The following CSMD1 variants were observed in gnomAD, a reference collection of about 807,000 sequenced individuals.
CSMD1 encodes CUB and sushi domain-containing protein 1.
In CSMD1, 213 loss-of-function variants were observed where a neutral mutation model predicts 417.5. The ratio of observed to expected loss-of-function variants is 0.51; its 90% CI spans 0.46 to 0.57. The LOEUF (loss-of-function observed/expected upper bound fraction) is 0.57. Among genes scored for constraint, CSMD1 ranks in the 20% least tolerant of loss-of-function variants. CSMD1 has a pLI of 0.00. For synonymous variants in CSMD1, 2,862 were observed against 1,736.8 expected, an observed-to-expected ratio of 1.65 and a Z score of -16.11; for missense variants, 6,923 against 4,529.7, an observed-to-expected ratio of 1.53 and a Z score of -15.17.
At chr8:4,165,361 C>A (rs979045673) in intron 3 of CSMD1, among the ~76,000 whole-genome samples, 1 of 152,226 alleles carries the variant, frequency 6.6e-6, no homozygotes, top group Non-Finnish European at 1.5e-5. Flanking sequence ...TTCCTTAGGA[C>A]TCTAAAACAA....
intron 3 of CSMD1, among the ~76,000 whole-genome samples, chr8:4,256,089 G>A (rs1375796369): frequency 1.3e-5 from 2 of 152,222 alleles, no homozygotes; most frequent in Non-Finnish European, 2.9e-5. Flanking sequence ...AAACGTAGGT[G>A]AATCCCAGAC....
chr8:4,537,424 C>T (rs556341350), intron 2 of CSMD1, among the ~76,000 whole-genome samples: 1 of 151,992 alleles, frequency 6.6e-6, no homozygotes, highest in South Asian at 2.1e-4. Context: ...TGTGATTATT[C>T]CTATTATTGT....
chr8:2,998,156 A>C lies in CSMD1; in HGVS notation c.8232T>G (p.Pro2744=), dbSNP rs766163734. The C allele has an allele frequency of 6.2e-7, 1 of 1,614,020 alleles. No homozygotes were observed. Among genetic ancestry groups the C allele is most frequent in the South Asian group, 1.1e-5 (1 of 91,090 alleles). The change falls in exon 54 of 70, where the codon CCT becomes CCG. Residue 2744 remains proline (P), a synonymous_variant. Coordinates refer to ENST00000635120, the MANE Select transcript of CSMD1 (RefSeq NM_033225.6). Reference sequence around the variant, plus strand: ...CACTGCCATTAGTGAATCCGTGGGCAGGGTTTCCAGGGTGACCACATGTGA... The same window carrying C: ...CACTGCCATTAGTGAATCCGTGGGCCGGGTTTCCAGGGTGACCACATGTGA... ...VPITCGHPGN[P]AHGFTNGSEF... is the part of the protein sequence containing the mutation.
intron 3 of CSMD1, among the ~76,000 whole-genome samples, chr8:4,209,148 A>G (rs1800154617): frequency 6.6e-6 from 1 of 152,144 alleles, no homozygotes; most frequent in African/African-American, 2.4e-5. Flanking sequence ...TCTAAAACCA[A>G]AATCTGCCCT....
intron 42 of CSMD1, among the ~76,000 whole-genome samples, chr8:3,114,471 A>G (rs1216779035): frequency 6.7e-6 from 1 of 150,286 alleles, no homozygotes; most frequent in African/African-American, 2.4e-5. Context: ...ATATAAAAAT[A>G]TCTTGACTCT....
chr8:4,321,847 G>A (rs953355701), intron 3 of CSMD1, among the ~76,000 whole-genome samples: 42 of 152,100 alleles, frequency 2.8e-4, no homozygotes, highest in South Asian at 8.3e-4. Flanking sequence ...TACTTGACAC[G>A]TAATTCATTC....
chr8:4,425,546 A>C (rs1423155404), intron 2 of CSMD1, among the ~76,000 whole-genome samples: 1 of 152,130 alleles, frequency 6.6e-6, no homozygotes, highest in East Asian at 1.9e-4. Flanking sequence ...AGGAGCTGGC[A>C]AGACTCACTC....
At chr8:3,794,516 G>A (rs895644524) in intron 5 of CSMD1, among the ~76,000 whole-genome samples, 3 of 152,074 alleles carry the variant, frequency 2.0e-5, no homozygotes, top group African/African-American at 7.2e-5. Flanking sequence ...TGTATTGTGT[G>A]TTATAATACT....
chr8:3,188,782 G>GGAGA (rs1464421049), intron 35 of CSMD1, 105 bp downstream of exon 35: 2 of 962,608 alleles, frequency 2.1e-6, no homozygotes, highest in East Asian at 3.0e-5. Flanking sequence ...AAAGAGAGAG[G>GGAGA]GAGAGAGAGA....
At chr8:3,993,748 C>G (rs1303439678) in intron 5 of CSMD1, among the ~76,000 whole-genome samples, 1 of 152,180 alleles carries the variant, frequency 6.6e-6, no homozygotes, top group African/African-American at 2.4e-5. Flanking sequence ...AAGAAATGTT[C>G]TTGCATTTAT....
At chr8:3,365,898 C>G (rs17065938) in intron 20 of CSMD1, among the ~76,000 whole-genome samples, 4,578 of 152,310 alleles carry the variant, frequency 0.03, 93 homozygotes, top group East Asian at 0.08. Context: ...CAGTAACATA[C>G]AGCAGTAGAG....
At chr8:3,981,788 AGAG>A (rs954317274) in intron 5 of CSMD1, among the ~76,000 whole-genome samples, 1 of 152,188 alleles carries the variant, frequency 6.6e-6, no homozygotes, top group African/African-American at 2.4e-5. Flanking sequence ...CACAAAGTCA[AGAG>A]AAGAGGCAGT....
rs566925890 is a variant in CSMD1, at chr8:3,297,235, A to G, written c.3950+10460T>C. Among the ~76,000 whole-genome samples, 4 of 152,338 alleles carry G rather than the reference A, an allele frequency of 2.6e-5. No homozygotes were observed. In the South Asian group the frequency reaches 8.3e-4, roughly 32 times the overall value. ...GGACCAGAAAGTTCAGTATTATAAA[A>G]GATGTCAGTTTTCCCCAGAATGATC... On this transcript the variant is annotated intron_variant, in intron 25 of 69. Transcript: ENST00000635120.
At chr8:4,570,457 A>T (rs1316666046) in intron 2 of CSMD1, among the ~76,000 whole-genome samples, 1 of 152,118 alleles carries the variant, frequency 6.6e-6, no homozygotes, top group East Asian at 1.9e-4. Flanking sequence ...GTGTATTTTG[A>T]GCTAGCCTTG....
chr8:4,304,415 C>G (rs950776552), intron 3 of CSMD1, among the ~76,000 whole-genome samples: 1 of 152,132 alleles, frequency 6.6e-6, no homozygotes, highest in African/African-American at 2.4e-5. Flanking sequence ...CTAAGAGCGA[C>G]AGAAGGTGAA....
chr8:4,809,595 G>A lies in CSMD1; in HGVS notation c.86-172037C>T, dbSNP rs115160246. 7.3e-3 allele frequency among the ~76,000 whole-genome samples: 1,111 copies of A among 152,206 alleles called. 17 individuals carry two copies. The highest frequency in any genetic ancestry group is 0.026 in the African/African-American group (1,080 of 41,514). On this transcript the variant is annotated intron_variant, in intron 1 of 69. Coordinates refer to ENST00000635120, the MANE Select transcript of CSMD1 (RefSeq NM_033225.6). ...TCTACTCCCTACAGCTAGACCAAAAGGTAAAGCTGTGCTCTCCAGTAGAAA... is the reference window on the plus strand; with the variant it reads ...TCTACTCCCTACAGCTAGACCAAAAAGTAAAGCTGTGCTCTCCAGTAGAAA...
intron 4 of CSMD1, among the ~76,000 whole-genome samples, chr8:4,003,369 G>A (rs1815852446): frequency 6.6e-6 from 1 of 151,558 alleles, no homozygotes; most frequent in Non-Finnish European, 1.5e-5. Flanking sequence ...CTCCAGCCTG[G>A]GCGACACAGC....
chr8:3,524,373 A>C (rs1462524051), intron 10 of CSMD1, among the ~76,000 whole-genome samples: 1 of 147,330 alleles, frequency 6.8e-6, no homozygotes, highest in African/African-American at 2.7e-5. Context: ...ACACAAGTGC[A>C]CACATGCACA....
At chr8:4,703,867 C>G (rs1376022223) in intron 1 of CSMD1, among the ~76,000 whole-genome samples, 1 of 152,166 alleles carries the variant, frequency 6.6e-6, no homozygotes, top group Non-Finnish European at 1.5e-5. Context: ...TTTCCATGGA[C>G]AGCAGGGTTG....
Sources: allele counts gnomAD v4.1 joint callset (sites outside exome capture counted in the v4.1 genomes callset), GRCh38; gene constraint gnomAD v4.1.1; transcripts MANE v1.5; gene names NCBI Gene and HGNC (gene_info 2026-07-23, HGNC 2026-07-21).